FOXA3: variants seen among roughly 807,000 people sequenced by gnomAD.
The protein encoded by FOXA3 is hepatocyte nuclear factor 3-gamma.
FOXA3 carries 11 observed loss-of-function variants against 16.9 expected under a neutral mutation model. The ratio of observed to expected loss-of-function variants is 0.65; its 90% CI spans 0.41 to 1.08. FOXA3 has a LOEUF of 1.08. Among genes scored for constraint, FOXA3 ranks in the 50% least tolerant of loss-of-function variants. FOXA3 has a pLI of 0.00. For synonymous variants in FOXA3, 217 were observed against 203.3 expected, an observed-to-expected ratio of 1.07 and a Z score of -0.57; for missense variants, 423 against 470.1, an observed-to-expected ratio of 0.90 and a Z score of 0.93.
intron 1 of FOXA3, among the ~76,000 whole-genome samples, chr19:45,866,465 T>C (rs1011500967): frequency 6.6e-6 from 1 of 151,966 alleles, no homozygotes; most frequent in African/African-American, 2.4e-5. Context: ...TCAGGGCATA[T>C]TTTGGGAGAG....
intron 1 of FOXA3, among the ~76,000 whole-genome samples, chr19:45,869,931 G>A (rs1341535768): frequency 6.6e-6 from 1 of 151,454 alleles, no homozygotes; most frequent in Non-Finnish European, 1.5e-5. Flanking sequence ...GACTACAGGC[G>A]CCCGCCACCA....
Position 45,870,051 on chromosome 19 carries a change from G to T in FOXA3, c.70-2024G>T, listed in dbSNP as rs957920169. Among the ~76,000 whole-genome samples, 27 of 152,122 alleles carry T rather than the reference G, an allele frequency of 1.8e-4. 1 individual carries two copies. Among genetic ancestry groups the T allele is most frequent in the Admixed American group, 1.3e-3 (20 of 15,260 alleles). Reference sequence around the variant, plus strand: ...TCCACCTGCCTCGGCCTCCCAAAGTGCTGGGATTACAGGTGTGAGCCACTG... The same window carrying T: ...TCCACCTGCCTCGGCCTCCCAAAGTTCTGGGATTACAGGTGTGAGCCACTG... On this transcript the variant is annotated intron_variant, in intron 1 of 1. Coordinates refer to ENST00000302177, the MANE Select transcript of FOXA3 (RefSeq NM_004497.3).
rs1425901857 is a variant in FOXA3, at chr19:45,873,670, A to T, written c.*612A>T. 6.5e-6 allele frequency: 1 copy of T among 154,060 alleles called. No homozygotes were observed. The highest frequency in any genetic ancestry group is 1.4e-5 in the Non-Finnish European group (1 of 69,254). The allele number at this position is 154,060 out of a possible 1,614,324, so 9.5% of individuals were successfully genotyped here. A position where few individuals can be genotyped will look rare whatever the true frequency, so the allele number is the denominator to read the frequency against. ...TCTCTGAAGCCCACCCTTTCCCCCA[A>T]CTCTGGTCCAGGAGAAACCAGAAAA... On this transcript the variant is annotated 3_prime_UTR_variant, in exon 2 of 2. Transcript: ENST00000302177.
intron 1 of FOXA3, among the ~76,000 whole-genome samples, chr19:45,865,602 G>C (rs976004389): frequency 6.6e-6 from 1 of 152,128 alleles, no homozygotes; most frequent in African/African-American, 2.4e-5. Flanking sequence ...TGTGGGGCAG[G>C]AATGGCTAGG....
chr19:45,869,753 T>C (rs569247187), intron 1 of FOXA3, among the ~76,000 whole-genome samples: 28 of 152,284 alleles, frequency 1.8e-4, no homozygotes, highest in Admixed American at 1.0e-3. Context: ...ATTCAAACAC[T>C]TTTATGTATA....
At position 45,873,095 on chromosome 19, in the gene FOXA3, C is replaced by T. The variant is rs1024875592; in HGVS notation, c.*37C>T. On this transcript the variant is annotated 3_prime_UTR_variant, in exon 2 of 2. Transcript: ENST00000302177. ...AACATGGTGGTGGGTATGGCTGGAG[C>T]TCACACCACGAAGCTCTTGGGGCCT... 6 of 1,559,766 alleles carry T rather than the reference C, an allele frequency of 3.8e-6. No homozygotes were observed. The highest frequency in any genetic ancestry group is 1.2e-5 in the South Asian group (1 of 84,956).
Position 45,873,251 on chromosome 19 carries a change from A to G in FOXA3, c.*193A>G. The G allele has an allele frequency of 1.2e-6, 1 of 859,700 alleles. No individual in the cohort carries two copies. 53.3% of individuals were successfully genotyped at this position (859,700 alleles called of 1,614,324 possible). ...GTACTGTGATAACCACCATGGATAC[A>G]TTTTGGTGGCCCACTGGGTACTGTG... is the stretch of plus-strand genomic sequence containing the variant. On this transcript the variant is annotated 3_prime_UTR_variant, in exon 2 of 2. Coordinates refer to ENST00000302177, the MANE Select transcript of FOXA3 (RefSeq NM_004497.3).
intron 1 of FOXA3, among the ~76,000 whole-genome samples, chr19:45,871,734 GA>G (rs141760159): frequency 0.085 from 12,743 of 149,054 alleles, 593 homozygotes; most frequent in Middle Eastern, 0.12. Flanking sequence ...ACTCTGCCTC[GA>G]AAAAAAAAAT....
Position 45,873,447 on chromosome 19 carries a change from TGCCAAGTTG to T in FOXA3, c.*394_*402del. On this transcript the variant is annotated 3_prime_UTR_variant, in exon 2 of 2. Transcript: ENST00000302177. Reference sequence around the variant, plus strand: ...TTTTTGGTGTACTTGGCACAGTAGGTGCCAAGTTGGCCACCATTCTGTGTAACACCTTTT... The same window carrying T: ...TTTTTGGTGTACTTGGCACAGTAGGTGCCACCATTCTGTGTAACACCTTTT... The T allele has an allele frequency of 3.8e-6, 1 of 265,466 alleles. No homozygotes were observed. Among genetic ancestry groups the T allele is most frequent in the Admixed American group, 4.9e-5 (1 of 20,504 alleles). The allele number at this position is 265,466 out of a possible 1,614,324, so 16.4% of individuals were successfully genotyped here.
At position 45,872,605 on chromosome 19, in the gene FOXA3, G is replaced by A. The variant is rs758774573; in HGVS notation, c.600G>A (p.Met200Ile). The A allele has an allele frequency of 1.6e-5, 26 of 1,614,220 alleles. No individual in the cohort carries two copies. The highest frequency in any genetic ancestry group is 2.1e-5 in the Non-Finnish European group (25 of 1,180,030). ...CCCTACACCCCAGCTCAGGGAACAT[G>A]TTTGAGAATGGCTGCTACCTGCGCC... ...YWALHPSSGN[M>I]FENGCYLRRQ... The change falls in exon 2 of 2, where the codon ATG (methionine) becomes ATA (isoleucine). Residue 200 changes from methionine (M) to isoleucine (I), a missense_variant. Met to Ile is a conservative substitution (Grantham distance 10). Coordinates refer to ENST00000302177, the MANE Select transcript of FOXA3 (RefSeq NM_004497.3). The surrounding 1 kb of genome is among the most constrained non-coding windows in gnomAD (Gnocchi z 4.5).
chr19:45,873,106 A>G lies in FOXA3; in HGVS notation c.*48A>G, dbSNP rs1426543677. ...GGGTATGGCTGGAGCTCACACCACG[A>G]AGCTCTTGGGGCCTGATCCTTCTGG... On this transcript the variant is annotated 3_prime_UTR_variant, in exon 2 of 2. Coordinates refer to ENST00000302177, the MANE Select transcript of FOXA3 (RefSeq NM_004497.3). 8 of 1,555,220 alleles carry G rather than the reference A, an allele frequency of 5.1e-6. No homozygotes were observed. The highest frequency in any genetic ancestry group is 7.0e-6 in the Non-Finnish European group (8 of 1,148,948).
intron 1 of FOXA3, among the ~76,000 whole-genome samples, chr19:45,870,110 A>T (rs981961486): frequency 1.3e-5 from 2 of 151,178 alleles, no homozygotes; most frequent in African/African-American, 4.9e-5. Context: ...TTATAAGCTA[A>T]AAGATTGAAG....
At chr19:45,869,917 C>T (rs1966890311) in intron 1 of FOXA3, among the ~76,000 whole-genome samples, 1 of 151,766 alleles carries the variant, frequency 6.6e-6, no homozygotes, top group Non-Finnish European at 1.5e-5. Context: ...TCCTGAATAG[C>T]TGGGACTACA....
chr19:45,872,731 C>A lies in FOXA3; in HGVS notation c.726C>A (p.Thr242=). Reference sequence around the variant, plus strand: ...CAGGGTCTGCTGCCTCGACCACCACCCCCGCGGCCACAGTCACCTCCCCGC... The same window carrying A: ...CAGGGTCTGCTGCCTCGACCACCACACCCGCGGCCACAGTCACCTCCCCGC... The part of the protein sequence containing the change: ...NGTGSAASTT[T]PAATVTSPPQ... Residue 242 remains threonine (T), a synonymous_variant, in exon 2 of 2, where the codon ACC becomes ACA. Transcript: ENST00000302177. This position sits in a 1 kb window ranked among gnomAD's most constrained non-coding sequence, Gnocchi z 4.5. The A allele has an allele frequency of 6.2e-7, 1 of 1,601,880 alleles. No individual in the cohort carries two copies. The highest frequency in any genetic ancestry group is 8.5e-7 in the Non-Finnish European group (1 of 1,174,814).
intron 1 of FOXA3, among the ~76,000 whole-genome samples, chr19:45,866,816 G>C (rs1365788390): frequency 6.6e-6 from 1 of 152,212 alleles, no homozygotes; most frequent in Non-Finnish European, 1.5e-5. Flanking sequence ...CCCGCACGCA[G>C]AACACTGGGG....
Position 45,872,088 on chromosome 19 carries a change from T to A in FOXA3, c.83T>A (p.Val28Glu). Reference protein sequence around the residue: ...YPEAGEVYSPVTPVPTMAPLN... With the variant: ...YPEAGEVYSPETPVPTMAPLN... ...TCTTTCCCCTAGGTCTACTCGCCGG[T>A]GACCCCAGTGCCCACCATGGCCCCC... The change falls in exon 2 of 2, where the codon GTG becomes GAG. Residue 28 changes from valine to glutamate, a missense_variant. Val to Glu is a moderately radical substitution (Grantham distance 121). Around this residue, in one of 3 missense-constraint regions of FOXA3, gnomAD observed 170 missense variants for 153.9 expected, o/e 1.10. Transcript: ENST00000302177. The surrounding 1 kb of genome is among the most constrained non-coding windows in gnomAD (Gnocchi z 4.5). The A allele has an allele frequency of 6.2e-7, 1 of 1,610,158 alleles. No individual in the cohort carries two copies. Among genetic ancestry groups the A allele is most frequent in the Non-Finnish European group, 8.5e-7 (1 of 1,177,912 alleles).
intron 1 of FOXA3, 24 bp downstream of exon 1, chr19:45,864,549 C>A: frequency 2.0e-6 from 3 of 1,503,950 alleles, no homozygotes; most frequent in Non-Finnish European, 2.7e-6. Context: ...GATGGCGGAG[C>A]GGGAAGTTGG....
Position 45,872,053 on chromosome 19 carries a change from C to A in FOXA3, c.70-22C>A. ...CCAGCAGAGTGGAGCCCCACTGACC[C>A]CTCCTTTCATCTTTCCCCTAGGTCT... On this transcript the variant is annotated intron_variant, in intron 1 of 1. Coordinates refer to ENST00000302177, the MANE Select transcript of FOXA3 (RefSeq NM_004497.3). The surrounding 1 kb of genome is among the most constrained non-coding windows in gnomAD (Gnocchi z 4.5). 2 of 1,610,086 alleles carry A rather than the reference C, an allele frequency of 1.2e-6. No homozygotes were observed. Among genetic ancestry groups the A allele is most frequent in the Non-Finnish European group, 1.7e-6 (2 of 1,177,830 alleles).
At chr19:45,870,839 A>T (rs1236477828) in intron 1 of FOXA3, among the ~76,000 whole-genome samples, 1 of 152,058 alleles carries the variant, frequency 6.6e-6, no homozygotes, top group African/African-American at 2.4e-5. Flanking sequence ...AAGTTCTGGG[A>T]TTACTTTGGG....
Sources: allele counts gnomAD v4.1 joint callset (sites outside exome capture counted in the v4.1 genomes callset), GRCh38; gene constraint gnomAD v4.1.1; regional missense constraint gnomAD v4.1.1; non-coding constraint Gnocchi (gnomAD v3.1); transcripts MANE v1.5; gene names NCBI Gene and HGNC (gene_info 2026-07-23, HGNC 2026-07-21).